Variants in ARMH4 observed in about 807,000 individuals in gnomAD.
The protein encoded by ARMH4 is armadillo-like helical domain-containing protein 4.
A neutral mutation model predicts 61.9 loss-of-function variants in ARMH4; 49 were observed. The observed-to-expected ratio is 0.79, with a 90% CI of 0.63 to 1.00. ARMH4 has a LOEUF of 1.00. Ranked by LOEUF, ARMH4 falls within the 50% of genes least tolerant of loss-of-function variation. The pLI is 0.00. For missense variants in ARMH4, 934 were observed against 930.0 expected (o/e 1.00, Z -0.06); for synonymous variants, 368 against 341.5 (o/e 1.08, Z -0.85).
chr14:58,082,105 C>A (rs1350554332), intron 5 of ARMH4, among the ~76,000 whole-genome samples: 4 of 152,180 alleles, frequency 2.6e-5, no homozygotes, highest in African/African-American at 9.7e-5. Context: ...ACTGGTTAAA[C>A]TTAACAGTCA....
chr14:58,012,270 TATAAC>T (rs2141134109), intron 5 of ARMH4, 120 bp from the exon 6 acceptor site: 1 of 542,858 alleles, frequency 1.8e-6, no homozygotes, highest in South Asian at 2.8e-5. Context: ...GGATTAACAA[TATAAC>T]ATAATGACGA....
At chr14:58,081,946 A>G (rs1241703707) in intron 5 of ARMH4, among the ~76,000 whole-genome samples, 9 of 140,246 alleles carry the variant, frequency 6.4e-5, no homozygotes, top group Admixed American at 6.2e-4. Context: ...CTGGGAAGGG[A>G]AAAAAAAAAA....
intron 5 of ARMH4, among the ~76,000 whole-genome samples, chr14:58,079,069 AC>A (rs1351398567): frequency 6.6e-6 from 1 of 152,302 alleles, no homozygotes; most frequent in East Asian, 1.9e-4. Flanking sequence ...CAATTTGGAA[AC>A]CCTTTTGACC....
chr14:58,032,514 T>A (rs972852309), intron 5 of ARMH4, among the ~76,000 whole-genome samples: 1 of 152,262 alleles, frequency 6.6e-6, no homozygotes, highest in Middle Eastern at 3.4e-3. Context: ...AAAATACATC[T>A]AAAGAAACAT....
chr14:58,048,424 T>G (rs917874679), intron 5 of ARMH4, among the ~76,000 whole-genome samples: 2 of 152,212 alleles, frequency 1.3e-5, no homozygotes, highest in Admixed American at 6.5e-5. Flanking sequence ...AAAGCTGATT[T>G]GGATGTAATT....
chr14:58,017,974 T>C (rs910918290), intron 5 of ARMH4, among the ~76,000 whole-genome samples: 5 of 152,094 alleles, frequency 3.3e-5, no homozygotes, highest in African/African-American at 1.2e-4. Context: ...AATTCATGCA[T>C]TTACCATCAA....
At chr14:58,086,931 T>C (rs141071300) in intron 5 of ARMH4, among the ~76,000 whole-genome samples, 26 of 152,220 alleles carry the variant, frequency 1.7e-4, no homozygotes, top group African/African-American at 6.3e-4. Flanking sequence ...CGGTAGGGAA[T>C]GTTTGATACA....
chr14:58,064,946 T>G (rs963450165), intron 5 of ARMH4, among the ~76,000 whole-genome samples: 11 of 152,170 alleles, frequency 7.2e-5, no homozygotes, highest in South Asian at 2.1e-4. Flanking sequence ...ACGATGCCAT[T>G]GACTTAAGAG....
At chr14:58,056,014 A>G (rs1487896896) in intron 5 of ARMH4, among the ~76,000 whole-genome samples, 1 of 152,232 alleles carries the variant, frequency 6.6e-6, no homozygotes, top group Admixed American at 6.5e-5. Context: ...ATAAAGCTCT[A>G]TTCGTAGAGG....
At chr14:58,141,399 G>T (rs1887545763) in intron 1 of ARMH4, 1 of 532,732 alleles carries the variant, frequency 1.9e-6, no homozygotes, top group South Asian at 1.5e-5. Context: ...CACCTGACCA[G>T]CAGCGTCTGA....
chr14:58,012,259 A>G, intron 5 of ARMH4, 109 bp from the exon 6 acceptor site: 1 of 600,308 alleles, frequency 1.7e-6, no homozygotes, highest in Non-Finnish European at 2.8e-6. Flanking sequence ...ATACAGTAAA[A>G]GGATTAACAA....
intron 5 of ARMH4, among the ~76,000 whole-genome samples, chr14:58,088,145 G>A (rs1885439762): frequency 6.6e-6 from 1 of 152,100 alleles, no homozygotes; most frequent in Admixed American, 6.6e-5. Context: ...CGATACAGCA[G>A]GATATAAATA....
chr14:58,021,492 G>C (rs1366607050), intron 5 of ARMH4, among the ~76,000 whole-genome samples: 1 of 152,294 alleles, frequency 6.6e-6, no homozygotes, highest in South Asian at 2.1e-4. Context: ...AAGTTGCACT[G>C]TCTCAGGTAT....
intron 4 of ARMH4, among the ~76,000 whole-genome samples, chr14:58,110,252 T>C (rs935462500): frequency 5.3e-5 from 8 of 152,300 alleles, no homozygotes; most frequent in Middle Eastern, 3.4e-3. Flanking sequence ...ATGTCCAACA[T>C]GATGTTTTGA....
In ARMH4 at chr14:58,096,827, T is replaced by C; in HGVS notation, c.1986A>G (p.Thr662=). Residue 662 remains threonine, a synonymous_variant, in exon 5 of 8, where the codon ACA becomes ACG. Transcript: ENST00000267485. Reference sequence around the variant, plus strand: ...CCTCCTCTAAGCCTGGTTCCTGGGATGTGATACCAGGGAGGGTAAAACCTG... The same window carrying C: ...CCTCCTCTAAGCCTGGTTCCTGGGACGTGATACCAGGGAGGGTAAAACCTG... ...ELPGFTLPGI[T]SQEPGLEEGN... is the part of the protein sequence containing the mutation. 6.2e-7 allele frequency: 1 copy of C among 1,614,124 alleles called. No homozygotes were observed. The highest frequency in any genetic ancestry group is 1.1e-5 in the South Asian group (1 of 91,084).
chr14:58,028,901 G>GT (rs1883114246), intron 5 of ARMH4, among the ~76,000 whole-genome samples: 1 of 152,172 alleles, frequency 6.6e-6, no homozygotes, highest in Non-Finnish European at 1.5e-5. Context: ...GGTGTTTTTG[G>GT]TTTTTAATTT....
chr14:58,092,497 A>C (rs1409897786), intron 5 of ARMH4, among the ~76,000 whole-genome samples: 1 of 152,224 alleles, frequency 6.6e-6, no homozygotes, highest in Non-Finnish European at 1.5e-5. Flanking sequence ...CAAACTTCAG[A>C]TAACACAAAT....
Position 58,131,615 on chromosome 14 carries a change from T to C in ARMH4, c.1728A>G (p.Ala576=), listed in dbSNP as rs771159119. Residue 576 remains alanine, a synonymous_variant, in exon 4 of 8, where the codon GCA becomes GCG. Coordinates refer to ENST00000267485, the MANE Select transcript of ARMH4 (RefSeq NM_001001872.4). ...CAGAGGATGCCTCCAAAGCAGGAAG[T>C]GCAGGGGAAATGCTGGGTTCCCCCA... is the stretch of plus-strand genomic sequence containing the variant. The part of the protein sequence containing the change: ...IMVGEPSISP[A]LPALEASSER... 1.3e-5 allele frequency: 21 copies of C among 1,614,038 alleles called. No homozygotes were observed. The highest frequency in any genetic ancestry group is 1.5e-5 in the Non-Finnish European group (18 of 1,179,996).
chr14:58,043,844 T>C (rs532078000), intron 5 of ARMH4, among the ~76,000 whole-genome samples: 5 of 152,220 alleles, frequency 3.3e-5, no homozygotes, highest in African/African-American at 9.6e-5. Context: ...ATGAGTGAAC[T>C]CCCATTCACA....
Sources: allele counts gnomAD v4.1 joint callset (sites outside exome capture counted in the v4.1 genomes callset), GRCh38; gene constraint gnomAD v4.1.1; transcripts MANE v1.5; gene names NCBI Gene and HGNC (gene_info 2026-07-23, HGNC 2026-07-21).